LRMDA: variants seen among roughly 807,000 people sequenced by gnomAD.
LRMDA encodes the protein leucine rich melanocyte differentiation associated, also known as leucine-rich melanocyte differentiation-associated protein.
Under a neutral mutation model 29.8 loss-of-function variants are expected in LRMDA, and 18 were observed. The observed-to-expected ratio is 0.60, with a 90% CI of 0.42 to 0.90. LRMDA has a LOEUF of 0.90. LRMDA is among the 40% of genes least tolerant of loss of function. LRMDA has a pLI of 0.00. For missense variants in LRMDA, 273 were observed against 273.9 expected (o/e 1.00, Z 0.02); for synonymous variants, 125 against 109.4 (o/e 1.14, Z -0.89).
intron 2 of LRMDA, among the ~76,000 whole-genome samples, chr10:75,621,813 T>A (rs1841191898): frequency 6.6e-6 from 1 of 152,170 alleles, no homozygotes; most frequent in Non-Finnish European, 1.5e-5. Context: ...CCTGATCTGA[T>A]GTGGTCTCTC....
chr10:76,109,877 A>G (rs1270807020), intron 5 of LRMDA, among the ~76,000 whole-genome samples: 1 of 152,004 alleles, frequency 6.6e-6, no homozygotes, highest in Non-Finnish European at 1.5e-5. Context: ...CCACTCTTAC[A>G]TCACCATCTC....
chr10:76,403,724 T>C (rs1841873379), intron 6 of LRMDA, among the ~76,000 whole-genome samples: 1 of 152,170 alleles, frequency 6.6e-6, no homozygotes, highest in South Asian at 2.1e-4. Context: ...ACCAGGGTTC[T>C]ATTTTGTTCA....
chr10:75,509,629 G>C (rs780815706), intron 2 of LRMDA, among the ~76,000 whole-genome samples: 1 of 152,316 alleles, frequency 6.6e-6, no homozygotes, highest in South Asian at 2.1e-4. Context: ...TGGCAGAACC[G>C]GGACTAGCAT....
chr10:75,821,699 G>A (rs1844161700), intron 2 of LRMDA, among the ~76,000 whole-genome samples: 1 of 152,054 alleles, frequency 6.6e-6, no homozygotes, highest in Non-Finnish European at 1.5e-5. Context: ...AACCTGGGAG[G>A]CGGAGCTTGC....
chr10:75,876,806 G>A lies in LRMDA; in HGVS notation c.132-159202G>A, dbSNP rs540088039. On this transcript the variant is annotated intron_variant, in intron 2 of 6. Coordinates refer to ENST00000611255, the MANE Select transcript of LRMDA (RefSeq NM_001305581.2). Reference sequence around the variant, plus strand: ...ATAACTACGATTAAGTGCTTCCTTAGTGTTTGGCATTTTGTGAAGCACTTT... The same window carrying A: ...ATAACTACGATTAAGTGCTTCCTTAATGTTTGGCATTTTGTGAAGCACTTT... 3.3e-5 allele frequency among the ~76,000 whole-genome samples: 5 copies of A among 152,284 alleles called. No homozygotes were observed. In the South Asian group the frequency reaches 1.0e-3, roughly 32 times the overall value.
intron 5 of LRMDA, among the ~76,000 whole-genome samples, chr10:76,245,349 G>T (rs567969558): frequency 1.5e-4 from 23 of 152,206 alleles, no homozygotes; most frequent in African/African-American, 4.8e-4. Context: ...GAATAAGTAG[G>T]CAGGGGAGTG....
chr10:75,525,320 C>T (rs536990192), intron 2 of LRMDA, among the ~76,000 whole-genome samples: 1 of 152,300 alleles, frequency 6.6e-6, no homozygotes, highest in African/African-American at 2.4e-5. Flanking sequence ...TTGTGAGTAC[C>T]TTTTGTGTGG....
intron 2 of LRMDA, among the ~76,000 whole-genome samples, chr10:75,746,696 C>G (rs1842894830): frequency 6.6e-6 from 1 of 152,104 alleles, no homozygotes; most frequent in South Asian, 2.1e-4. Flanking sequence ...GTGCAGATGT[C>G]TCAGAGTGCG....
chr10:76,506,334 G>T (rs1842959014), intron 6 of LRMDA, among the ~76,000 whole-genome samples: 1 of 151,882 alleles, frequency 6.6e-6, no homozygotes, highest in Non-Finnish European at 1.5e-5. Flanking sequence ...CATGTCTTCA[G>T]TCTACACTTA....
chr10:75,865,771 T>C (rs1845008125), intron 2 of LRMDA, among the ~76,000 whole-genome samples: 1 of 152,216 alleles, frequency 6.6e-6, no homozygotes, highest in African/African-American at 2.4e-5. Context: ...TTTTTTTGCT[T>C]TATACTTCTG....
chr10:75,526,742 A>G (rs1026116868), intron 2 of LRMDA, among the ~76,000 whole-genome samples: 69 of 151,832 alleles, frequency 4.5e-4, no homozygotes, highest in African/African-American at 1.5e-3. Flanking sequence ...TGTGGTTCCT[A>G]TTACTCTGGT....
intron 6 of LRMDA, among the ~76,000 whole-genome samples, chr10:76,339,466 A>C (rs1841010915): frequency 2.0e-5 from 3 of 151,986 alleles, no homozygotes; most frequent in African/African-American, 7.2e-5. Flanking sequence ...CTCCTTAGAA[A>C]CATAAACTGT....
At chr10:75,888,291 G>A (rs1337127445) in intron 2 of LRMDA, among the ~76,000 whole-genome samples, 1 of 152,162 alleles carries the variant, frequency 6.6e-6, no homozygotes, top group Non-Finnish European at 1.5e-5. Context: ...CGCGTATGAT[G>A]AGTTCGTGAT....
intron 2 of LRMDA, among the ~76,000 whole-genome samples, chr10:75,679,601 G>C (rs1410546680): frequency 6.6e-6 from 1 of 152,148 alleles, no homozygotes; most frequent in African/African-American, 2.4e-5. Context: ...GTGACATGTG[G>C]TGTACATGCA....
At chr10:76,153,593 A>G (rs1484756404) in intron 5 of LRMDA, among the ~76,000 whole-genome samples, 1 of 152,178 alleles carries the variant, frequency 6.6e-6, no homozygotes, top group Admixed American at 6.5e-5. Context: ...CATTCTTGTC[A>G]GGTTCTTGAT....
intron 5 of LRMDA, among the ~76,000 whole-genome samples, chr10:76,076,505 A>C (rs1848961928): frequency 6.6e-6 from 1 of 152,156 alleles, no homozygotes; most frequent in Non-Finnish European, 1.5e-5. Context: ...ATTGTCACGC[A>C]CGTGATCTCA....
intron 5 of LRMDA, among the ~76,000 whole-genome samples, chr10:76,221,928 T>C (rs1180961068): frequency 3.3e-5 from 5 of 151,830 alleles, no homozygotes; most frequent in Non-Finnish European, 7.4e-5. Flanking sequence ...GAGATATAGA[T>C]CAGTGGAACA....
chr10:76,476,321 G>A (rs1395198196), intron 6 of LRMDA, among the ~76,000 whole-genome samples: 1 of 151,810 alleles, frequency 6.6e-6, no homozygotes, highest in East Asian at 1.9e-4. Context: ...AAATTCCTCA[G>A]CACATACACA....
chr10:76,277,904 C>T (rs1403346807), intron 5 of LRMDA, among the ~76,000 whole-genome samples: 2 of 152,116 alleles, frequency 1.3e-5, no homozygotes, highest in Non-Finnish European at 2.9e-5. Flanking sequence ...TTAGGGTTTA[C>T]TTTTGGGCTT....
Sources: gnomAD v4.1 joint callset for allele counts (sites outside exome capture counted in the v4.1 genomes callset) on GRCh38, gnomAD v4.1.1 for gene constraint, MANE v1.5 for transcripts, NCBI Gene and HGNC (gene_info 2026-07-23, HGNC 2026-07-21) for gene names.